Variants in EXPH5 observed in about 807,000 individuals in gnomAD.
The protein encoded by EXPH5 is exophilin-5.
EXPH5 carries 42 observed loss-of-function variants against 41.1 expected under a neutral mutation model. That is an observed-to-expected ratio of 1.02 (90% confidence interval 0.80 to 1.32). The LOEUF is 1.32. Ranked by LOEUF, EXPH5 falls within the 40% of genes most tolerant of loss-of-function variation. The pLI, the probability that EXPH5 is intolerant of heterozygous loss-of-function variation, is 0.00. For synonymous variants in EXPH5, 798 were observed against 833.5 expected, an observed-to-expected ratio of 0.96 and a Z score of 0.73; for missense variants, 2,298 against 2,314.5, an observed-to-expected ratio of 0.99 and a Z score of 0.15.
At chr11:108,536,065 A>C (rs1485085211) in intron 3 of EXPH5, among the ~76,000 whole-genome samples, 3 of 152,240 alleles carry the variant, frequency 2.0e-5, no homozygotes, top group Non-Finnish European at 4.4e-5. Context: ...GTTGAGGGAA[A>C]GCTACATGTA....
intron 3 of EXPH5, among the ~76,000 whole-genome samples, chr11:108,534,672 A>G (rs1419665079): frequency 6.6e-6 from 1 of 152,190 alleles, no homozygotes; most frequent in Non-Finnish European, 1.5e-5. Context: ...GTGGTTCTAC[A>G]TGTTTTCCTG....
At position 108,575,268 on chromosome 11, in the gene EXPH5, G is replaced by A. The variant is rs370775776; in HGVS notation, c.119+18150C>T. Reference sequence around the variant, plus strand: ...AATACCACCATCCAGGGATAGAAAGGATTCGTTAAAACAAAGGCCTTCCCG... The same window carrying A: ...AATACCACCATCCAGGGATAGAAAGAATTCGTTAAAACAAAGGCCTTCCCG... On this transcript the variant is annotated intron_variant, in intron 1 of 5. Transcript: ENST00000265843. Among the ~76,000 whole-genome samples, 21 of 152,310 alleles carry A rather than the reference G, an allele frequency of 1.4e-4. 1 individual carries two copies. The South Asian group carries it at 4.3e-3, about 32-fold the overall frequency.
At chr11:108,530,259 A>G (rs1407510889) in intron 3 of EXPH5, among the ~76,000 whole-genome samples, 1 of 151,892 alleles carries the variant, frequency 6.6e-6, no homozygotes, top group Non-Finnish European at 1.5e-5. Flanking sequence ...TTCCTCCTAC[A>G]CTCTACATAC....
chr11:108,593,527 C>T lies in EXPH5; in HGVS notation c.10G>A (p.Val4Ile), dbSNP rs747522821. Residue 4 changes from valine to isoleucine, a missense_variant, in exon 1 of 6, where the codon GTT becomes ATT. Val to Ile is a conservative substitution (Grantham distance 29). Transcript: ENST00000265843. Reference protein sequence around the residue: MTKVPPAFDFSFLN... With the variant: MTKIPPAFDFSFLN... Reference sequence around the variant, plus strand: ...AAACTGAAATCAAACGCCGGAGGAACTTTCGTCATTTTCTTTACTGTGTGT... The same window carrying T: ...AAACTGAAATCAAACGCCGGAGGAATTTTCGTCATTTTCTTTACTGTGTGT... The T allele has an allele frequency of 6.2e-7, 1 of 1,614,094 alleles. No homozygotes were observed. Among genetic ancestry groups the T allele is most frequent in the East Asian group, 2.2e-5 (1 of 44,894 alleles).
At position 108,507,115 on chromosome 11, in the gene EXPH5, A is replaced by C. The variant is rs2093648508; in HGVS notation, c.*2422T>G. On this transcript the variant is annotated 3_prime_UTR_variant, in exon 6 of 6. Coordinates refer to ENST00000265843, the MANE Select transcript of EXPH5 (RefSeq NM_015065.3). ...TCTTTACCATACAAATTTGCATTGAAAAGTTCACAATATTTGATTTTTGAG... is the reference window on the plus strand; with the variant it reads ...TCTTTACCATACAAATTTGCATTGACAAGTTCACAATATTTGATTTTTGAG... 2 of 152,224 alleles carry C rather than the reference A, an allele frequency of 1.3e-5. No homozygotes were observed. Among genetic ancestry groups the C allele is most frequent in the Non-Finnish European group, 1.5e-5 (1 of 68,048 alleles). 9.4% of individuals were successfully genotyped at this position (152,224 alleles called of 1,614,324 possible).
In EXPH5 at chr11:108,571,434, A is replaced by G. The variant is rs570402371; in HGVS notation, c.119+21984T>C. 2.2e-4 allele frequency among the ~76,000 whole-genome samples: 33 copies of G among 152,136 alleles called. No individual in the cohort carries two copies. In the South Asian group the frequency reaches 6.2e-3, roughly 29 times the overall value. ...GACCAGAGTGCAGAGAGGTGGACAG[A>G]CTCTCCTTGATGCACTCCCCATGGA... On this transcript the variant is annotated intron_variant, in intron 1 of 5. Coordinates refer to ENST00000265843, the MANE Select transcript of EXPH5 (RefSeq NM_015065.3).
chr11:108,580,089 G>C (rs2094093377), intron 1 of EXPH5, among the ~76,000 whole-genome samples: 1 of 152,030 alleles, frequency 6.6e-6, no homozygotes, highest in Admixed American at 6.6e-5. Flanking sequence ...CACATCAAAA[G>C]AAACAATCAA....
At chr11:108,527,435 C>G (rs2093807467) in intron 4 of EXPH5, among the ~76,000 whole-genome samples, 1 of 151,572 alleles carries the variant, frequency 6.6e-6, no homozygotes, top group African/African-American at 2.4e-5. Flanking sequence ...AAGGGAGGAC[C>G]CAGTACTAAG....
chr11:108,582,470 A>G (rs75347529), intron 1 of EXPH5, among the ~76,000 whole-genome samples: 23 of 135,646 alleles, frequency 1.7e-4, no homozygotes, highest in African/African-American at 4.3e-4. Context: ...TGTCACAAAG[A>G]AAAAAAAAAA....
At position 108,514,198 on chromosome 11, in the gene EXPH5, T is replaced by C. The variant is rs1328009963; in HGVS notation, c.1309A>G (p.Met437Val). The C allele has an allele frequency of 2.5e-6, 4 of 1,614,226 alleles. No individual in the cohort carries two copies. The highest frequency in any genetic ancestry group is 3.4e-6 in the Non-Finnish European group (4 of 1,180,022). The change falls in exon 6 of 6, where the codon ATG becomes GTG. Residue 437 changes from methionine (M) to valine (V), a missense_variant. Transcript: ENST00000265843. ...GAGTTCTCAAAAGTGTCGGGACTCATTGCATTCTCCATGGGAGCATTTAAA... is the reference window on the plus strand; with the variant it reads ...GAGTTCTCAAAAGTGTCGGGACTCACTGCATTCTCCATGGGAGCATTTAAA... ...VSLNAPMENAMSPDTFENSEN... is the reference protein window; with the variant it reads ...VSLNAPMENAVSPDTFENSEN...
At chr11:108,528,596 G>A (rs756998064) in intron 3 of EXPH5, among the ~76,000 whole-genome samples, 1 of 151,978 alleles carries the variant, frequency 6.6e-6, no homozygotes, top group African/African-American at 2.4e-5. Context: ...AGAAGATGGA[G>A]GTACAGAGAA....
chr11:108,527,298 T>C (rs1263589029), intron 4 of EXPH5, among the ~76,000 whole-genome samples: 1 of 151,868 alleles, frequency 6.6e-6, no homozygotes, highest in Admixed American at 6.6e-5. Context: ...CCAGCCTGGG[T>C]GACAGAGTGA....
chr11:108,551,837 C>A (rs1247812898), intron 1 of EXPH5, among the ~76,000 whole-genome samples: 1 of 152,108 alleles, frequency 6.6e-6, no homozygotes, highest in African/African-American at 2.4e-5. Flanking sequence ...ACGCAGGAAT[C>A]CAAACATAAT....
chr11:108,568,584 T>C (rs1038013441), intron 1 of EXPH5, among the ~76,000 whole-genome samples: 1 of 152,086 alleles, frequency 6.6e-6, no homozygotes, highest in South Asian at 2.1e-4. Flanking sequence ...CAACAAGAGA[T>C]CTGCCTTTAA....
chr11:108,541,947 G>C (rs1310836426), intron 1 of EXPH5, 135 bp from the exon 2 acceptor site: 1 of 636,406 alleles, frequency 1.6e-6, no homozygotes, highest in Non-Finnish European at 2.6e-6. Context: ...GCACAACCTC[G>C]TCTCACTGCA....
intron 3 of EXPH5, among the ~76,000 whole-genome samples, chr11:108,533,870 A>C (rs1315290832): frequency 6.6e-6 from 1 of 152,086 alleles, no homozygotes; most frequent in Non-Finnish European, 1.5e-5. Context: ...ATCACAGCTC[A>C]CTGAAGCTTG....
chr11:108,605,158 G>A, the EXPH5 span, among the ~76,000 whole-genome samples: 1 of 152,144 alleles, frequency 6.6e-6, no homozygotes, highest in African/African-American at 2.4e-5. Flanking sequence ...TTGTGATGGT[G>A]TAGCACCTTG....
intron 2 of EXPH5, among the ~76,000 whole-genome samples, chr11:108,539,449 C>A (rs1427454556): frequency 1.3e-5 from 2 of 152,114 alleles, no homozygotes; most frequent in Non-Finnish European, 2.9e-5. Context: ...CTAGAGTGTT[C>A]CTCCTCTCAC....
intron 3 of EXPH5, among the ~76,000 whole-genome samples, chr11:108,530,547 G>C (rs1402419393): frequency 1.3e-5 from 2 of 152,204 alleles, no homozygotes; most frequent in Non-Finnish European, 2.9e-5. Flanking sequence ...GGAGGCCGGG[G>C]ACTGGCAAGT....
Sources: gnomAD v4.1 joint callset for allele counts (sites outside exome capture counted in the v4.1 genomes callset) on GRCh38, gnomAD v4.1.1 for gene constraint, MANE v1.5 for transcripts, NCBI Gene and HGNC (gene_info 2026-07-23, HGNC 2026-07-21) for gene names.